Variants in PRTG observed in about 807,000 individuals in gnomAD.
PRTG encodes the protein immunoglobulin superfamily, DCC subclass, member 5.
Under a neutral mutation model 122.5 loss-of-function variants are expected in PRTG, and 67 were observed. The ratio of observed to expected loss-of-function variants is 0.55; its 90% CI spans 0.45 to 0.67. The LOEUF (loss-of-function observed/expected upper bound fraction) is 0.67, where lower values mean the gene tolerates loss of function less well. Ranked by LOEUF, PRTG falls within the 30% of genes least tolerant of loss-of-function variation. The pLI is 0.00. For synonymous variants in PRTG, 554 were observed against 501.1 expected (o/e 1.11, Z -1.41); for missense variants, 1,435 against 1,415.4 (o/e 1.01, Z -0.22).
At chr15:55,735,587 A>C (rs1171178356) in intron 2 of PRTG, among the ~76,000 whole-genome samples, 1 of 152,126 alleles carries the variant, frequency 6.6e-6, no homozygotes, top group Non-Finnish European at 1.5e-5. Context: ...GTTGACAAAA[A>C]GGAGCCATAC....
chr15:55,638,397 T>A, intron 14 of PRTG, 152 bp downstream of exon 14: 1 of 526,980 alleles, frequency 1.9e-6, no homozygotes, highest in Admixed American at 4.0e-5. Flanking sequence ...AAAAAGAAAT[T>A]TCAAAAGCCA....
At chr15:55,679,510 G>T in intron 6 of PRTG, 65 bp from the exon 7 acceptor site, 2 of 1,246,072 alleles carry the variant, frequency 1.6e-6, no homozygotes, top group African/African-American at 1.5e-5. Context: ...AAGGGTCAAG[G>T]AAGAAAACAG....
chr15:55,623,804 C>A (rs1371769729), intron 18 of PRTG, among the ~76,000 whole-genome samples: 1 of 152,186 alleles, frequency 6.6e-6, no homozygotes, highest in Non-Finnish European at 1.5e-5. Flanking sequence ...CATGAAGTAA[C>A]TTCTTCCAAT....
chr15:55,742,801 C>A, intron 1 of PRTG, 37 bp downstream of exon 1: 1 of 1,539,726 alleles, frequency 6.5e-7, no homozygotes, highest in South Asian at 1.2e-5. Flanking sequence ...GCTCCCGCCC[C>A]ACAGCGGTAA....
intron 2 of PRTG, among the ~76,000 whole-genome samples, chr15:55,731,725 A>G (rs1194976723): frequency 6.6e-6 from 1 of 152,330 alleles, no homozygotes; most frequent in South Asian, 2.1e-4. Context: ...ATAATCAACC[A>G]GTATTAAAAT....
chr15:55,623,530 C>T (rs973914998), intron 18 of PRTG, among the ~76,000 whole-genome samples: 2 of 152,166 alleles, frequency 1.3e-5, no homozygotes, highest in Non-Finnish European at 2.9e-5. Context: ...CGTACCACTG[C>T]ACTCCAGCCT....
intron 2 of PRTG, among the ~76,000 whole-genome samples, chr15:55,701,456 C>T (rs1185514451): frequency 2.0e-5 from 3 of 152,070 alleles, no homozygotes; most frequent in Admixed American, 1.3e-4. Flanking sequence ...ATTGCTTGAA[C>T]CCGGGAGGCA....
chr15:55,635,083 G>GTGTGTGTGTGTGTA (rs2059250100), intron 15 of PRTG, among the ~76,000 whole-genome samples: 1 of 150,828 alleles, frequency 6.6e-6, no homozygotes, highest in Admixed American at 6.6e-5. Context: ...GGGTGTGTGT[G>GTGTGTGTGTGTGTA]TGTGTGTGTG....
chr15:55,672,363 T>C, intron 11 of PRTG, 82 bp downstream of exon 11: 1 of 1,092,492 alleles, frequency 9.2e-7, no homozygotes, highest in Non-Finnish European at 1.3e-6. Flanking sequence ...AAGTAAGTTC[T>C]CCTGCTTTAG....
intron 2 of PRTG, among the ~76,000 whole-genome samples, chr15:55,697,816 G>T (rs1256622511): frequency 6.6e-6 from 1 of 152,152 alleles, no homozygotes; most frequent in Non-Finnish European, 1.5e-5. Flanking sequence ...TCCTGAACAT[G>T]TTTTGTTCTG....
intron 15 of PRTG, among the ~76,000 whole-genome samples, chr15:55,630,669 T>C (rs1346454726): frequency 2.6e-5 from 4 of 152,200 alleles, no homozygotes; most frequent in Non-Finnish European, 5.9e-5. Flanking sequence ...TGCCATTTCT[T>C]AGGTGTCTTT....
At chr15:55,691,193 G>A (rs1466636198) in intron 2 of PRTG, among the ~76,000 whole-genome samples, 1 of 151,764 alleles carries the variant, frequency 6.6e-6, no homozygotes, top group Non-Finnish European at 1.5e-5. Flanking sequence ...CTACTCAGGA[G>A]GCTGAGGCAG....
At chr15:55,661,374 G>A (rs1452883329) in intron 11 of PRTG, among the ~76,000 whole-genome samples, 2 of 152,088 alleles carry the variant, frequency 1.3e-5, no homozygotes, top group Non-Finnish European at 2.9e-5. Context: ...AACAACAACA[G>A]CAGCAACACA....
Position 55,681,549 on chromosome 15 carries a change from C to T in PRTG, c.676+815G>A, listed in dbSNP as rs537877685. 1.4e-4 allele frequency: 21 copies of T among 152,090 alleles called. No homozygotes were observed. The East Asian group carries it at 3.5e-3, about 25-fold the overall frequency. 9.4% of individuals were successfully genotyped at this position (152,090 alleles called of 1,614,324 possible). A position where few individuals can be genotyped will look rare whatever the true frequency, so the allele number is the denominator to read the frequency against. On this transcript the variant is annotated intron_variant, in intron 4 of 19. Transcript: ENST00000389286. Reference sequence around the variant, plus strand: ...GGCAAAATATATAAAATTGTGCTCGCTTAATATTAACAATGATAATTTTTG... The same window carrying T: ...GGCAAAATATATAAAATTGTGCTCGTTTAATATTAACAATGATAATTTTTG...
At chr15:55,732,982 C>T (rs549773297) in intron 2 of PRTG, among the ~76,000 whole-genome samples, 8 of 152,102 alleles carry the variant, frequency 5.3e-5, no homozygotes, top group Admixed American at 3.3e-4. Flanking sequence ...GAGGCTGAGG[C>T]GGGCAGACCA....
intron 11 of PRTG, among the ~76,000 whole-genome samples, chr15:55,648,196 T>C (rs1044314182): frequency 6.6e-6 from 1 of 152,198 alleles, no homozygotes; most frequent in African/African-American, 2.4e-5. Flanking sequence ...TGAGGGCAAG[T>C]ATTAGAAACA....
At chr15:55,738,015 T>TACAC (rs1567121692) in intron 2 of PRTG, among the ~76,000 whole-genome samples, 2 of 106,874 alleles carry the variant, frequency 1.9e-5, no homozygotes, top group African/African-American at 6.3e-5. Context: ...TATATATATA[T>TACAC]ATATATATAT....
chr15:55,644,465 C>T (rs1416439185), intron 11 of PRTG, among the ~76,000 whole-genome samples: 1 of 152,134 alleles, frequency 6.6e-6, no homozygotes. Context: ...TTCAAGTTTT[C>T]CCTTCTTCCT....
At chr15:55,683,572 A>T (rs2059553318) in intron 3 of PRTG, among the ~76,000 whole-genome samples, 1 of 152,192 alleles carries the variant, frequency 6.6e-6, no homozygotes, top group Non-Finnish European at 1.5e-5. Flanking sequence ...AGGCAGTAGG[A>T]TAATCTATTT....
Sources: allele counts gnomAD v4.1 joint callset (sites outside exome capture counted in the v4.1 genomes callset), GRCh38; gene constraint gnomAD v4.1.1; transcripts MANE v1.5; gene names NCBI Gene and HGNC (gene_info 2026-07-23, HGNC 2026-07-21).